Variants in ASTN2 observed in about 807,000 individuals in gnomAD.
ASTN2 encodes the protein astrotactin 2.
Under a neutral mutation model 139.8 loss-of-function variants are expected in ASTN2, and 54 were observed. The observed-to-expected ratio is 0.39, with a 90% confidence interval of 0.31 to 0.48. The LOEUF is 0.48. Ranked by LOEUF, ASTN2 falls within the 20% of genes least tolerant of loss-of-function variation. The pLI is 0.95. For missense variants in ASTN2, 1,565 were observed against 1,725.1 expected (o/e 0.91, Z 1.64); for synonymous variants, 756 against 719.5 (o/e 1.05, Z -0.81).
intron 11 of ASTN2, among the ~76,000 whole-genome samples, chr9:116,851,160 G>A (rs1832588192): frequency 6.6e-6 from 1 of 152,234 alleles, no homozygotes; most frequent in Middle Eastern, 3.4e-3. Context: ...CTAGATGCTG[G>A]AGAATCCATT....
chr9:116,955,674 C>T (rs1254633357), intron 10 of ASTN2, among the ~76,000 whole-genome samples: 3 of 152,202 alleles, frequency 2.0e-5, no homozygotes, highest in Non-Finnish European at 4.4e-5. Flanking sequence ...TTTGAACCTC[C>T]TGCTGCTCTA....
chr9:116,706,760 ATTTTTTTTTTTT>A, intron 16 of ASTN2, among the ~76,000 whole-genome samples: 1 of 88,046 alleles, frequency 1.1e-5, no homozygotes, highest in South Asian at 3.8e-4. Flanking sequence ...GCTGGCTAGA[ATTTTTTTTTTTT>A]TTTTTTTTTT....
chr9:116,524,902 A>G (rs897336622), intron 19 of ASTN2, among the ~76,000 whole-genome samples: 2 of 152,186 alleles, frequency 1.3e-5, no homozygotes, highest in Non-Finnish European at 2.9e-5. Flanking sequence ...ACAAAAAGAG[A>G]ACTGAAGAGG....
At chr9:116,873,936 C>T (rs1262891913) in intron 10 of ASTN2, among the ~76,000 whole-genome samples, 9 of 152,220 alleles carry the variant, frequency 5.9e-5, no homozygotes, top group Non-Finnish European at 1.2e-4. Context: ...CCTGTACAGA[C>T]TGTGGAACAC....
At chr9:116,564,612 GC>G (rs1853090082) in intron 19 of ASTN2, among the ~76,000 whole-genome samples, 3 of 152,132 alleles carry the variant, frequency 2.0e-5, no homozygotes, top group African/African-American at 7.2e-5. Flanking sequence ...GTTGTCCCCT[GC>G]CTGGGGTCAT....
chr9:116,453,340 T>A (rs986258298), intron 20 of ASTN2, among the ~76,000 whole-genome samples: 1 of 152,128 alleles, frequency 6.6e-6, no homozygotes, highest in Non-Finnish European at 1.5e-5. Context: ...ACGCCTGTAA[T>A]CCTAGCACTT....
chr9:117,294,938 C>G (rs898863737), intron 1 of ASTN2, among the ~76,000 whole-genome samples: 1 of 152,192 alleles, frequency 6.6e-6, no homozygotes, highest in African/African-American at 2.4e-5. Context: ...AAAAGCTGTG[C>G]CTGTCCACTC....
intron 20 of ASTN2, among the ~76,000 whole-genome samples, chr9:116,446,272 TAGAGAGAGAG>T (rs3040241): frequency 0.021 from 2,534 of 119,144 alleles, 84 homozygotes; most frequent in African/African-American, 0.077. Flanking sequence ...GAGAGAGAGA[TAGAGAGAGAG>T]AGAGAGAGAG....
chr9:117,307,176 C>A (rs1835022110), intron 1 of ASTN2, among the ~76,000 whole-genome samples: 1 of 152,230 alleles, frequency 6.6e-6, no homozygotes. Flanking sequence ...CTCACAAACA[C>A]ATGTACTTCC....
In ASTN2 at chr9:116,696,989, G is replaced by A. The variant is rs535532791; in HGVS notation, c.2806+28782C>T. Among the ~76,000 whole-genome samples, 88 of 147,592 alleles carry A rather than the reference G, an allele frequency of 6.0e-4. 1 individual carries two copies. The South Asian group carries it at 8.2e-3, about 14-fold the overall frequency. ...AAAGCCTCCACACTTTTGCTTACAT[G>A]GTTTTCTTTGCTTAAAGTACCTTTA... On this transcript the variant is annotated intron_variant, in intron 16 of 22. Coordinates refer to ENST00000313400, the MANE Select transcript of ASTN2 (RefSeq NM_001365068.1).
At chr9:117,278,066 G>A (rs1174136966) in intron 2 of ASTN2, among the ~76,000 whole-genome samples, 3 of 152,170 alleles carry the variant, frequency 2.0e-5, no homozygotes, top group Non-Finnish European at 2.9e-5. Context: ...ACAAGCAGGC[G>A]CTGTAATCAT....
At chr9:116,451,450 A>AT (rs1341607987) in intron 20 of ASTN2, among the ~76,000 whole-genome samples, 1 of 131,198 alleles carries the variant, frequency 7.6e-6, no homozygotes, top group Non-Finnish European at 1.8e-5. Context: ...AGAAACACCC[A>AT]TAAAAAAAAA....
At chr9:116,862,441 A>G (rs1832907326) in intron 11 of ASTN2, among the ~76,000 whole-genome samples, 1 of 152,212 alleles carries the variant, frequency 6.6e-6, no homozygotes, top group Non-Finnish European at 1.5e-5. Context: ...AAAGCTAAGT[A>G]CAGCATACAG....
At chr9:117,327,654 G>A (rs1828561149) in intron 1 of ASTN2, among the ~76,000 whole-genome samples, 1 of 151,838 alleles carries the variant, frequency 6.6e-6, no homozygotes, top group Non-Finnish European at 1.5e-5. Context: ...TCACCTGGCA[G>A]TACATAAAGA....
chr9:117,339,558 ACAT>A (rs1299040976), intron 1 of ASTN2, among the ~76,000 whole-genome samples: 1 of 152,182 alleles, frequency 6.6e-6, no homozygotes. Context: ...AAAGAGAGAA[ACAT>A]CATGCCTTTT....
rs145142397 is a variant in ASTN2, at chr9:117,378,724, C to T, written c.442+35773G>A. ...CCACACTTTATCCCTCCCAAATTCT[C>T]TGAATACCTTTGGGTCCTTCCTACT... On this transcript the variant is annotated intron_variant, in intron 1 of 22. Coordinates refer to ENST00000313400, the MANE Select transcript of ASTN2 (RefSeq NM_001365068.1). Among the ~76,000 whole-genome samples, 316 of 152,306 alleles carry T rather than the reference C, an allele frequency of 2.1e-3. 2 individuals are homozygous for T. The highest frequency in any genetic ancestry group is 7.0e-3 in the African/African-American group (292 of 41,560).
At chr9:117,123,211 G>T (rs1237252075) in intron 4 of ASTN2, among the ~76,000 whole-genome samples, 2 of 151,940 alleles carry the variant, frequency 1.3e-5, no homozygotes, top group East Asian at 3.9e-4. Flanking sequence ...GCGTGTTCAG[G>T]AGCTACCCTC....
intron 19 of ASTN2, among the ~76,000 whole-genome samples, chr9:116,558,363 C>T (rs552965738): frequency 2.0e-5 from 3 of 147,638 alleles, no homozygotes; most frequent in South Asian, 2.2e-4. Flanking sequence ...ATGGTCACTA[C>T]TTTTTTTTTT....
chr9:116,721,393 C>G (rs1158799812), intron 16 of ASTN2, among the ~76,000 whole-genome samples: 1 of 152,160 alleles, frequency 6.6e-6, no homozygotes, highest in Non-Finnish European at 1.5e-5. Context: ...GTATCATGAT[C>G]ACAGCTAGGG....
Sources: gnomAD v4.1 joint callset for allele counts (sites outside exome capture counted in the v4.1 genomes callset) on GRCh38, gnomAD v4.1.1 for gene constraint, MANE v1.5 for transcripts, NCBI Gene and HGNC (gene_info 2026-07-23, HGNC 2026-07-21) for gene names.